The following TM6SF2 variants were observed in gnomAD, a reference collection of about 807,000 sequenced individuals.
TM6SF2 encodes the protein transmembrane 6 superfamily member 2.
TM6SF2 carries 29 observed loss-of-function variants against 41.0 expected under a neutral mutation model. That is an observed-to-expected ratio of 0.71 (90% CI 0.53 to 0.96). The LOEUF (loss-of-function observed/expected upper bound fraction) is 0.96, where lower values mean the gene tolerates loss of function less well. Among genes scored for constraint, TM6SF2 ranks in the 50% least tolerant of loss-of-function variants. The pLI is 0.00. For synonymous variants in TM6SF2, 200 were observed against 209.1 expected, an observed-to-expected ratio of 0.96 and a Z score of 0.37; for missense variants, 475 against 499.0, an observed-to-expected ratio of 0.95 and a Z score of 0.46.
intron 5 of TM6SF2, 50 bp downstream of exon 5, chr19:19,269,637 G>A (rs1446574901): frequency 6.2e-7 from 1 of 1,609,866 alleles, no homozygotes; most frequent in Non-Finnish European, 8.5e-7. Flanking sequence ...TAGGTGCAGG[G>A]CAGTGACCAA....
intron 7 of TM6SF2, 73 bp downstream of exon 7, chr19:19,267,913 C>T: frequency 1.6e-6 from 2 of 1,232,482 alleles, no homozygotes; most frequent in Non-Finnish European, 2.4e-6. Flanking sequence ...ACAGGAAGGG[C>T]AGTGTGGGAG....
In TM6SF2 at chr19:19,270,348, C is replaced by A. The variant is rs761821661; in HGVS notation, c.294G>T (p.Lys98Asn). 1.2e-6 allele frequency: 2 copies of A among 1,614,018 alleles called. No homozygotes were observed. Among genetic ancestry groups the A allele is most frequent in the African/African-American group, 2.7e-5 (2 of 74,944 alleles). Reference sequence around the variant, plus strand: ...TCCCTGGTCGTCCCCCAAGTACCTCCTTGGTGTAGAACTCCATGAAGCCCA... The same window carrying A: ...TCCCTGGTCGTCCCCCAAGTACCTCATTGGTGTAGAACTCCATGAAGCCCA... ...YVVGFMEFYT[K>N]EGEPYLRTAH... is the part of the protein sequence containing the mutation. The change falls in exon 3 of 10, where the codon AAG becomes AAT. Residue 98 changes from lysine (K) to asparagine (N), a missense_variant. Lys to Asn is a moderately conservative substitution (Grantham distance 94, BLOSUM62 0). Around this residue, in one of 3 missense-constraint regions of TM6SF2, gnomAD observed 238 missense variants for 228.6 expected, o/e 1.04. Coordinates refer to ENST00000389363, the MANE Select transcript of TM6SF2 (RefSeq NM_001001524.3).
chr19:19,273,103 G>T lies in TM6SF2; in HGVS notation c.95+18C>A. 9.4e-7 allele frequency: 1 copy of T among 1,063,252 alleles called. No homozygotes were observed. The highest frequency in any genetic ancestry group is 1.2e-6 in the Non-Finnish European group (1 of 821,534). 65.9% of individuals were successfully genotyped at this position (1,063,252 alleles called of 1,614,324 possible). Reference sequence around the variant, plus strand: ...CCCCACTGTCCCCAAGGCCGCCCTGGCCCCTCTCCGCACGCACTGCGAGAG... The same window carrying T: ...CCCCACTGTCCCCAAGGCCGCCCTGTCCCCTCTCCGCACGCACTGCGAGAG... On this transcript the variant is annotated intron_variant, in intron 1 of 9. Coordinates refer to ENST00000389363, the MANE Select transcript of TM6SF2 (RefSeq NM_001001524.3).
Position 19,264,756 on chromosome 19 carries a change from G to T in TM6SF2, c.1042C>A (p.His348Asn). The change falls in exon 10 of 10, where the codon CAC becomes AAC. Residue 348 changes from histidine (H) to asparagine (N), a missense_variant. His to Asn is a moderately conservative substitution (Grantham distance 68). Coordinates refer to ENST00000389363, the MANE Select transcript of TM6SF2 (RefSeq NM_001001524.3). ...VCNLLYALGPHLLAYRCLQWP... is the reference protein window; with the variant it reads ...VCNLLYALGPNLLAYRCLQWP... ...TGAAGGCAACGGTAGGCCAGCAGGTGGGGGCCCAGCGCATACAGCAGATTG... is the reference window on the plus strand; with the variant it reads ...TGAAGGCAACGGTAGGCCAGCAGGTTGGGGCCCAGCGCATACAGCAGATTG... The T allele has an allele frequency of 6.2e-7, 1 of 1,608,488 alleles. No homozygotes were observed. The highest frequency in any genetic ancestry group is 8.5e-7 in the Non-Finnish European group (1 of 1,177,566).
At chr19:19,273,061 T>TTGCCCCCCCCCCCCCCCCCCCC in intron 1 of TM6SF2, 60 bp downstream of exon 1, 5 of 305,466 alleles carry the variant, frequency 1.6e-5, no homozygotes, top group Non-Finnish European at 3.0e-5. Context: ...CCTCCAGTCC[T>TTGCCCCCCCCCCCCCCCCCCCC]CCCCGCCCCC....
Position 19,264,635 on chromosome 19 carries a change from G to A in TM6SF2, c.*29C>T. The stretch of plus-strand genomic sequence containing the variant: ...GTAGGGCTGACTGGGCACGTAAACA[G>A]AGTCCTGGGTCCTGAGTCCACAGCT... On this transcript the variant is annotated 3_prime_UTR_variant, in exon 10 of 10. Coordinates refer to ENST00000389363, the MANE Select transcript of TM6SF2 (RefSeq NM_001001524.3). 2 of 1,405,056 alleles carry A rather than the reference G, an allele frequency of 1.4e-6. No individual in the cohort carries two copies. The highest frequency in any genetic ancestry group is 1.9e-6 in the Non-Finnish European group (2 of 1,071,314). The allele number at this position is 1,405,056 out of a possible 1,614,324, so 87.0% of individuals were successfully genotyped here.
intron 5 of TM6SF2, among the ~76,000 whole-genome samples, 153 bp from the exon 6 acceptor site, chr19:19,268,907 C>G (rs935201380): frequency 1.4e-4 from 22 of 152,176 alleles, no homozygotes; most frequent in Non-Finnish European, 7.3e-5. Flanking sequence ...CTCCCAGGTT[C>G]AAGCAATTCT....
rs371973720 is a variant in TM6SF2, at chr19:19,268,099, G to T, written c.610-12C>A. On this transcript the variant is annotated splice_polypyrimidine_tract_variant and intron_variant, in intron 6 of 9. Coordinates refer to ENST00000389363, the MANE Select transcript of TM6SF2 (RefSeq NM_001001524.3). ...TGTTCCTCTTGCACCTGGCCCAGGGGAGAGAAACAGACAGCATGAGAGGTA... is the reference window on the plus strand; with the variant it reads ...TGTTCCTCTTGCACCTGGCCCAGGGTAGAGAAACAGACAGCATGAGAGGTA... 6.2e-7 allele frequency: 1 copy of T among 1,601,078 alleles called. No individual in the cohort carries two copies. The highest frequency in any genetic ancestry group is 1.3e-5 in the African/African-American group (1 of 74,594).
chr19:19,267,817 G>T (rs2146577108), intron 7 of TM6SF2, 104 bp from the exon 8 acceptor site: 1 of 1,212,652 alleles, frequency 8.2e-7, no homozygotes, highest in Non-Finnish European at 1.2e-6. Flanking sequence ...TCCCAGCCCA[G>T]CTCAAGTTGG....
At chr19:19,268,998 G>T (rs1416035969) in intron 5 of TM6SF2, among the ~76,000 whole-genome samples, 2 of 152,166 alleles carry the variant, frequency 1.3e-5, no homozygotes, top group Non-Finnish European at 2.9e-5. Context: ...TCACCATGCT[G>T]CCCAGGCTGA....
chr19:19,270,009 A>C (rs2061017170), intron 4 of TM6SF2, 164 bp downstream of exon 4: 3 of 1,504,610 alleles, frequency 2.0e-6, no homozygotes, highest in Non-Finnish European at 2.7e-6. Context: ...CCTACACCTG[A>C]GACGTTCCCT....
chr19:19,269,957 C>T, intron 4 of TM6SF2, 188 bp from the exon 5 acceptor site: 1 of 1,481,378 alleles, frequency 6.8e-7, no homozygotes, highest in Non-Finnish European at 9.0e-7. Context: ...ACAGAAGTGG[C>T]TGCCCAGGCA....
chr19:19,272,692 G>GGGGTGTGTGTGTGTGT (rs548707505), intron 1 of TM6SF2, among the ~76,000 whole-genome samples: 2 of 136,750 alleles, frequency 1.5e-5, no homozygotes, highest in African/African-American at 5.6e-5. Context: ...AATGGAGTAG[G>GGGGTGTGTGTGTGTGT]GTGTGTGTGT....
chr19:19,265,359 TTTC>T (rs757648359), intron 9 of TM6SF2, among the ~76,000 whole-genome samples: 8 of 143,228 alleles, frequency 5.6e-5, no homozygotes, highest in Admixed American at 1.4e-4. Flanking sequence ...ATTTTTAAAA[TTTC>T]TATCTATCTA....
At position 19,266,487 on chromosome 19, in the gene TM6SF2, C is replaced by T; in HGVS notation, c.924+3G>A. On this transcript the variant is annotated splice_donor_region_variant and intron_variant, in intron 9 of 9. Transcript: ENST00000389363. The stretch of plus-strand genomic sequence containing the variant: ...CTGCTCACCCACCCATCCGCCACCT[C>T]ACCTGGCCGATGCCTCCAGCAAACA... The T allele has an allele frequency of 6.8e-6, 11 of 1,613,870 alleles. No homozygotes were observed. Among genetic ancestry groups the T allele is most frequent in the Non-Finnish European group, 9.3e-6 (11 of 1,179,876 alleles).
At chr19:19,269,934 C>T in intron 4 of TM6SF2, 165 bp from the exon 5 acceptor site, 1 of 1,498,020 alleles carries the variant, frequency 6.7e-7, no homozygotes, top group African/African-American at 1.4e-5. Context: ...ACAGTGAGAC[C>T]CTCTGTCCAA....
chr19:19,273,185 C>A lies in TM6SF2; in HGVS notation c.31G>T (p.Ala11Ser). 1 of 1,461,884 alleles carries A rather than the reference C, an allele frequency of 6.8e-7. No individual in the cohort carries two copies. The highest frequency in any genetic ancestry group is 9.0e-7 in the Non-Finnish European group (1 of 1,111,222). The allele number at this position is 1,461,884 out of a possible 1,614,324, so 90.6% of individuals were successfully genotyped here. MDIPPLAGKI[A>S]ALSLSALPVS... ...GGGAGGGCGCTCAGCGACAGCGCCG[C>A]GATCTTGCCGGCCAGCGGCGGGATG... Residue 11 changes from alanine (A) to serine (S), a missense_variant, in exon 1 of 10, where the codon GCG (alanine) becomes TCG (serine). Ala to Ser is a moderately conservative substitution (Grantham distance 99). Coordinates refer to ENST00000389363, the MANE Select transcript of TM6SF2 (RefSeq NM_001001524.3).
At chr19:19,267,385 A>G (rs983516728) in intron 8 of TM6SF2, among the ~76,000 whole-genome samples, 9 of 98,720 alleles carry the variant, frequency 9.1e-5, no homozygotes, top group Non-Finnish European at 1.5e-4. Flanking sequence ...AAAAAAAAAA[A>G]GAAAAAGAAA....
At chr19:19,273,067 C>A in intron 1 of TM6SF2, 54 bp downstream of exon 1, 2 of 457,042 alleles carry the variant, frequency 4.4e-6, no homozygotes, top group Admixed American at 4.3e-5. Context: ...GTCCTCCCCG[C>A]CCCCGCCCGC....
Sources: allele counts gnomAD v4.1 joint callset (sites outside exome capture counted in the v4.1 genomes callset), GRCh38; gene constraint gnomAD v4.1.1; regional missense constraint gnomAD v4.1.1; transcripts MANE v1.5; gene names NCBI Gene and HGNC (gene_info 2026-07-23, HGNC 2026-07-21).